ANKRD22: variants seen among roughly 807,000 people sequenced by gnomAD.
ANKRD22 encodes ankyrin repeat domain 22.
In ANKRD22, 24 loss-of-function variants were observed where a neutral mutation model predicts 25.7. The observed-to-expected ratio is 0.93, with a 90% confidence interval of 0.68 to 1.31. ANKRD22 has a LOEUF of 1.31. ANKRD22 is among the 50% of genes most tolerant of loss of function. The probability of loss-of-function intolerance (pLI) is 0.00; values close to 1 mark genes in which losing one functional copy is unlikely to be tolerated. For synonymous variants in ANKRD22, 84 were observed against 84.3 expected, an observed-to-expected ratio of 1.00 and a Z score of 0.02; for missense variants, 214 against 227.1, an observed-to-expected ratio of 0.94 and a Z score of 0.37.
Position 88,834,672 on chromosome 10 carries a change from C to T in ANKRD22, c.22-2646G>A, listed in dbSNP as rs568912237. On this transcript the variant is annotated intron_variant, in intron 1 of 5. Coordinates refer to ENST00000371930, the MANE Select transcript of ANKRD22 (RefSeq NM_144590.3). ...AGTTTTGGCTGGGCGCGATGGCTTA[C>T]GCCTGTAATCCTAGCACTTTGGGAG... Among the ~76,000 whole-genome samples the T allele has an allele frequency of 6.6e-5, 10 of 152,330 alleles. No individual in the cohort carries two copies. In the East Asian group the frequency reaches 1.7e-3, roughly 26 times the overall value.
chr10:88,849,631 TG>T (rs1211070392), intron 1 of ANKRD22, among the ~76,000 whole-genome samples: 1 of 152,182 alleles, frequency 6.6e-6, no homozygotes, highest in Admixed American at 6.6e-5. Flanking sequence ...ACAAGATTGC[TG>T]TATTAAATGA....
At chr10:88,824,509 A>C (rs985386433) in intron 4 of ANKRD22, among the ~76,000 whole-genome samples, 1 of 152,224 alleles carries the variant, frequency 6.6e-6, no homozygotes, top group Non-Finnish European at 1.5e-5. Context: ...ATTATCCAAA[A>C]ATACAAAACA....
At chr10:88,833,714 GA>G (rs1443564453) in intron 1 of ANKRD22, among the ~76,000 whole-genome samples, 1 of 152,168 alleles carries the variant, frequency 6.6e-6, no homozygotes, top group Non-Finnish European at 1.5e-5. Context: ...CCTTAAAAAT[GA>G]AATGAACATG....
At chr10:88,833,004 G>T (rs1159525183) in intron 1 of ANKRD22, among the ~76,000 whole-genome samples, 2 of 152,126 alleles carry the variant, frequency 1.3e-5, no homozygotes, top group Non-Finnish European at 2.9e-5. Flanking sequence ...TATCCAAGAA[G>T]TCTTTTCTTA....
intron 1 of ANKRD22, among the ~76,000 whole-genome samples, chr10:88,850,268 C>T (rs1002023897): frequency 1.3e-5 from 2 of 148,258 alleles, no homozygotes; most frequent in Non-Finnish European, 3.0e-5. Flanking sequence ...TGAGACTAGG[C>T]TTTTTTTTTT....
intron 1 of ANKRD22, among the ~76,000 whole-genome samples, chr10:88,838,315 T>A (rs1440513267): frequency 6.6e-6 from 1 of 152,146 alleles, no homozygotes; most frequent in East Asian, 1.9e-4. Flanking sequence ...AGGAAACATG[T>A]CTGTCAGGCA....
intron 1 of ANKRD22, among the ~76,000 whole-genome samples, chr10:88,835,124 G>C (rs1309794115): frequency 1.3e-5 from 2 of 152,072 alleles, no homozygotes; most frequent in Non-Finnish European, 2.9e-5. Flanking sequence ...ACCTCCAGGA[G>C]CTCTCTGCTT....
intron 2 of ANKRD22, among the ~76,000 whole-genome samples, chr10:88,829,604 CTTTTTTCAG>C (rs1843886381): frequency 6.6e-6 from 1 of 152,052 alleles, no homozygotes; most frequent in Non-Finnish European, 1.5e-5. Context: ...TCATATCTTG[CTTTTTTCAG>C]TTCAGAAACG....
At chr10:88,849,350 C>T (rs944408035) in intron 1 of ANKRD22, among the ~76,000 whole-genome samples, 6 of 152,114 alleles carry the variant, frequency 3.9e-5, no homozygotes, top group African/African-American at 1.4e-4. Context: ...GAACAGGGCA[C>T]CATCCTGGTT....
chr10:88,824,099 A>G (rs542130697), intron 4 of ANKRD22, among the ~76,000 whole-genome samples: 1 of 152,190 alleles, frequency 6.6e-6, no homozygotes, highest in Non-Finnish European at 1.5e-5. Flanking sequence ...GATGATTCCT[A>G]CTGAAGAAGT....
chr10:88,827,516 C>T (rs576536365), intron 3 of ANKRD22, among the ~76,000 whole-genome samples: 100 of 152,234 alleles, frequency 6.6e-4, no homozygotes, highest in Admixed American at 2.7e-3. Context: ...ACAGATTCTC[C>T]CTGCCCCCAA....
intron 1 of ANKRD22, among the ~76,000 whole-genome samples, chr10:88,842,625 C>T (rs950524315): frequency 6.6e-6 from 1 of 152,150 alleles, no homozygotes; most frequent in African/African-American, 2.4e-5. Flanking sequence ...TAGCATTCAT[C>T]ACATTCTGTA....
chr10:88,851,831 C>A lies in ANKRD22; in HGVS notation c.-224G>T. 1.8e-6 allele frequency: 1 copy of A among 563,356 alleles called. No homozygotes were observed. The highest frequency in any genetic ancestry group is 2.9e-5 in the East Asian group (1 of 34,756). The allele number at this position is 563,356 out of a possible 1,614,324, so 34.9% of individuals were successfully genotyped here. On this transcript the variant is annotated 5_prime_UTR_variant, in exon 1 of 6. Coordinates refer to ENST00000371930, the MANE Select transcript of ANKRD22 (RefSeq NM_144590.3). ...AGCCCAGCCCAATGAAACAAAGGCA[C>A]TGGTGTCATGTGTAACGACCCAAGC... is the stretch of plus-strand genomic sequence containing the variant.
At chr10:88,848,944 C>T (rs1372508682) in intron 1 of ANKRD22, among the ~76,000 whole-genome samples, 1 of 151,998 alleles carries the variant, frequency 6.6e-6, no homozygotes, top group Admixed American at 6.6e-5. Context: ...GTAACATCAG[C>T]TTCTCTGAAA....
chr10:88,820,653 C>G lies in ANKRD22; in HGVS notation c.*2288G>C, dbSNP rs1339356165. On this transcript the variant is annotated 3_prime_UTR_variant, in exon 6 of 6. Coordinates refer to ENST00000371930, the MANE Select transcript of ANKRD22 (RefSeq NM_144590.3). The stretch of plus-strand genomic sequence containing the variant: ...CGACACTTACATTTACATTTTTTTT[C>G]TGTAAATTAAAGTACTTATTAGGTA... 4 of 735,828 alleles carry G rather than the reference C, an allele frequency of 5.4e-6. No individual in the cohort carries two copies. Among genetic ancestry groups the G allele is most frequent in the Non-Finnish European group, 8.6e-6 (4 of 465,556 alleles). 45.6% of individuals were successfully genotyped at this position (735,828 alleles called of 1,614,324 possible).
At chr10:88,827,930 C>T (rs1564602885) in intron 3 of ANKRD22, among the ~76,000 whole-genome samples, 1 of 152,112 alleles carries the variant, frequency 6.6e-6, no homozygotes, top group Non-Finnish European at 1.5e-5. Flanking sequence ...ATCTGTTACC[C>T]TATTGGGAAA....
chr10:88,825,001 T>TCACA (rs1450132434), intron 4 of ANKRD22, among the ~76,000 whole-genome samples: 1,057 of 81,298 alleles, frequency 0.013, 25 homozygotes, highest in East Asian at 0.12. Context: ...TCTCTCTCTC[T>TCACA]CTCTCTCTCT....
chr10:88,828,498 G>T, intron 3 of ANKRD22, 61 bp downstream of exon 3: 1 of 1,249,988 alleles, frequency 8.0e-7, no homozygotes, highest in Non-Finnish European at 1.1e-6. Context: ...CCTGGCAAGA[G>T]TCAATGAGTC....
At chr10:88,849,003 T>C (rs534182958) in intron 1 of ANKRD22, among the ~76,000 whole-genome samples, 3 of 113,526 alleles carry the variant, frequency 2.6e-5, no homozygotes, top group Non-Finnish European at 5.8e-5. Flanking sequence ...TGTGTGCATG[T>C]GCATGTGTGT....
Sources: gnomAD v4.1 joint callset for allele counts (sites outside exome capture counted in the v4.1 genomes callset) on GRCh38, gnomAD v4.1.1 for gene constraint, MANE v1.5 for transcripts, NCBI Gene and HGNC (gene_info 2026-07-23, HGNC 2026-07-21) for gene names.